The following ZCCHC17 variants were observed in gnomAD, a reference collection of about 807,000 sequenced individuals.
ZCCHC17 encodes the protein zinc finger CCHC domain-containing protein 17.
In ZCCHC17, 18 loss-of-function variants were observed where a neutral mutation model predicts 30.6. The ratio of observed to expected loss-of-function variants is 0.59; its 90% CI spans 0.41 to 0.87. The LOEUF is 0.87. Ranked by LOEUF, ZCCHC17 falls within the 40% of genes least tolerant of loss-of-function variation. The pLI is 0.00. For missense variants in ZCCHC17, 263 were observed against 284.2 expected (o/e 0.93, Z 0.54); for synonymous variants, 88 against 92.4 (o/e 0.95, Z 0.27).
intron 3 of ZCCHC17, among the ~76,000 whole-genome samples, chr1:31,334,535 CTAT>C (rs1638740065): frequency 6.6e-6 from 1 of 152,014 alleles, no homozygotes; most frequent in Non-Finnish European, 1.5e-5. Flanking sequence ...AAGTAATCCT[CTAT>C]TATTATTTAT....
At chr1:31,325,136 G>A (rs1002243245) in intron 3 of ZCCHC17, among the ~76,000 whole-genome samples, 1 of 152,218 alleles carries the variant, frequency 6.6e-6, no homozygotes, top group Non-Finnish European at 1.5e-5. Flanking sequence ...CCTGCCTGCA[G>A]ATAAGAGCTG....
chr1:31,338,735 C>T (rs1358819010), intron 4 of ZCCHC17, among the ~76,000 whole-genome samples: 1 of 152,216 alleles, frequency 6.6e-6, no homozygotes, highest in Non-Finnish European at 1.5e-5. Context: ...CCATTTTTGT[C>T]TTTCCCTCAG....
At chr1:31,320,998 T>C (rs1448352119) in intron 3 of ZCCHC17, among the ~76,000 whole-genome samples, 1 of 152,212 alleles carries the variant, frequency 6.6e-6, no homozygotes, top group African/African-American at 2.4e-5. Context: ...GGACATCTCA[T>C]TGTGGTTTGA....
At chr1:31,328,685 T>A (rs963749209) in intron 3 of ZCCHC17, among the ~76,000 whole-genome samples, 4 of 151,412 alleles carry the variant, frequency 2.6e-5, no homozygotes, top group African/African-American at 9.7e-5. Flanking sequence ...TGGAGTGGAG[T>A]GGGATCGGGT....
chr1:31,328,387 C>T (rs1314657683), intron 3 of ZCCHC17, among the ~76,000 whole-genome samples: 1 of 151,894 alleles, frequency 6.6e-6, no homozygotes, highest in Non-Finnish European at 1.5e-5. Flanking sequence ...TGGTGTGTGC[C>T]TGTAGTCCAA....
At chr1:31,347,786 A>AT (rs569273520) in intron 6 of ZCCHC17, among the ~76,000 whole-genome samples, 1 of 152,094 alleles carries the variant, frequency 6.6e-6, no homozygotes, top group South Asian at 2.1e-4. Context: ...ATTTTTAAAA[A>AT]TTTTTTGTAG....
chr1:31,316,187 G>A (rs4949383), intron 2 of ZCCHC17, among the ~76,000 whole-genome samples: 8,287 of 152,212 alleles, frequency 0.054, 455 homozygotes, highest in South Asian at 0.21. Context: ...CTGCAACCAT[G>A]ACCTCCTGTG....
At chr1:31,299,703 C>G (rs950140540) in intron 1 of ZCCHC17, among the ~76,000 whole-genome samples, 1 of 152,166 alleles carries the variant, frequency 6.6e-6, no homozygotes, top group Non-Finnish European at 1.5e-5. Flanking sequence ...CCTGGAAGTT[C>G]TGCCAAAGTC....
intron 1 of ZCCHC17, among the ~76,000 whole-genome samples, chr1:31,303,617 T>C (rs1646372848): frequency 6.6e-6 from 1 of 152,244 alleles, no homozygotes; most frequent in African/African-American, 2.4e-5. Context: ...GGACAGGATG[T>C]GTAGGGTTTT....
At position 31,348,874 on chromosome 1, in the gene ZCCHC17, A is replaced by G; in HGVS notation, c.464A>G (p.Tyr155Cys). The G allele has an allele frequency of 6.2e-7, 1 of 1,613,250 alleles. No individual in the cohort carries two copies. Among genetic ancestry groups the G allele is most frequent in the Non-Finnish European group, 8.5e-7 (1 of 1,180,008 alleles). Residue 155 changes from tyrosine to cysteine, a missense_variant, in exon 7 of 8, where the codon TAC becomes TGC. Coordinates refer to ENST00000344147, the MANE Select transcript of ZCCHC17 (RefSeq NM_016505.4). ...TTCATGCAACCAGGTGGGACTAAATACTCTCTGATACCTGATGAGGAAGAG... is the reference window on the plus strand; with the variant it reads ...TTCATGCAACCAGGTGGGACTAAATGCTCTCTGATACCTGATGAGGAAGAG... ...DCFMQPGGTKYSLIPDEEEEK... is the reference protein window; with the variant it reads ...DCFMQPGGTKCSLIPDEEEEK...
At position 31,297,046 on chromosome 1, in the gene ZCCHC17, A is replaced by T. The variant is rs1646177088; in HGVS notation, c.-85A>T. 1 of 448,942 alleles carries T rather than the reference A, an allele frequency of 2.2e-6. No individual in the cohort carries two copies. Among genetic ancestry groups the T allele is most frequent in the Non-Finnish European group, 3.9e-6 (1 of 253,598 alleles). The allele number at this position is 448,942 out of a possible 1,614,324, so 27.8% of individuals were successfully genotyped here. On this transcript the variant is annotated 5_prime_UTR_variant, in exon 1 of 8. Coordinates refer to ENST00000344147, the MANE Select transcript of ZCCHC17 (RefSeq NM_016505.4). ...CTGGGGTCGGCGTTTAGTTCAGCGC[A>T]GCGACTCGGGGACCTGGAGCTGACG...
At chr1:31,335,052 G>A (rs529661876) in intron 3 of ZCCHC17, among the ~76,000 whole-genome samples, 1 of 152,290 alleles carries the variant, frequency 6.6e-6, no homozygotes, top group Non-Finnish European at 1.5e-5. Context: ...GGGGCTTCCA[G>A]GATAACTCTC....
chr1:31,331,164 C>T (rs975625019), intron 3 of ZCCHC17, among the ~76,000 whole-genome samples: 10 of 151,030 alleles, frequency 6.6e-5, no homozygotes, highest in Admixed American at 2.0e-4. Flanking sequence ...TCTCTTGAGA[C>T]GGAGTCTTGC....
intron 3 of ZCCHC17, among the ~76,000 whole-genome samples, chr1:31,329,266 T>C (rs899178783): frequency 6.6e-6 from 1 of 152,238 alleles, no homozygotes; most frequent in Non-Finnish European, 1.5e-5. Flanking sequence ...ATTTTATTTA[T>C]TTCAACTAAT....
chr1:31,331,668 A>G (rs1277859412), intron 3 of ZCCHC17, among the ~76,000 whole-genome samples: 6 of 151,652 alleles, frequency 4.0e-5, no homozygotes, highest in Non-Finnish European at 7.4e-5. Flanking sequence ...CTGGAATGCA[A>G]TGGCTCGATC....
intron 7 of ZCCHC17, among the ~76,000 whole-genome samples, chr1:31,354,692 T>C (rs1030973498): frequency 6.6e-6 from 1 of 152,194 alleles, no homozygotes; most frequent in Non-Finnish European, 1.5e-5. Context: ...TATTCCTTTG[T>C]TTCTAAAGCT....
intron 6 of ZCCHC17, 38 bp downstream of exon 6, chr1:31,346,778 T>G (rs373837934): frequency 6.2e-7 from 1 of 1,613,248 alleles, no homozygotes; most frequent in Non-Finnish European, 8.5e-7. Flanking sequence ...GTTTCTCTCC[T>G]TGTGGATGGA....
intron 7 of ZCCHC17, among the ~76,000 whole-genome samples, chr1:31,360,165 G>GTGTTT (rs376753414): frequency 0.027 from 3,992 of 150,518 alleles, 178 homozygotes; most frequent in African/African-American, 0.092. Context: ...TTGTGTGTGC[G>GTGTTT]TGTTTTGTTT....
At chr1:31,333,836 G>A (rs1449910201) in intron 3 of ZCCHC17, among the ~76,000 whole-genome samples, 1 of 152,132 alleles carries the variant, frequency 6.6e-6, no homozygotes, top group East Asian at 1.9e-4. Flanking sequence ...TTTTAGGGAA[G>A]AAGAATAGTG....
Sources: gnomAD v4.1 joint callset for allele counts (sites outside exome capture counted in the v4.1 genomes callset) on GRCh38, gnomAD v4.1.1 for gene constraint, MANE v1.5 for transcripts, NCBI Gene and HGNC (gene_info 2026-07-23, HGNC 2026-07-21) for gene names.